Variants in PLEKHH1 observed in about 807,000 individuals in gnomAD.
The protein encoded by PLEKHH1 is pleckstrin homology, MyTH4 and FERM domain containing H1.
Under a neutral mutation model 160.0 loss-of-function variants are expected in PLEKHH1, and 104 were observed. The ratio of observed to expected loss-of-function variants is 0.65; its 90% CI spans 0.55 to 0.76. The LOEUF (loss-of-function observed/expected upper bound fraction) is 0.76. PLEKHH1 is among the 30% of genes least tolerant of loss of function. The probability of loss-of-function intolerance (pLI) is 0.00; values close to 1 mark genes in which losing one functional copy is unlikely to be tolerated. For missense variants in PLEKHH1, 1,427 were observed against 1,724.1 expected (o/e 0.83, Z 3.05); for synonymous variants, 619 against 678.4 (o/e 0.91, Z 1.36).
chr14:67,577,347 G>C lies in PLEKHH1; in HGVS notation c.2507G>C (p.Gly836Ala). The C allele has an allele frequency of 6.3e-7, 1 of 1,586,082 alleles. No homozygotes were observed. The highest frequency in any genetic ancestry group is 8.6e-7 in the Non-Finnish European group (1 of 1,166,692). Residue 836 changes from glycine to alanine, a missense_variant, in exon 18 of 29, where the codon GGC (glycine) becomes GCC (alanine). Physicochemically the swap from Gly to Ala is moderately conservative, Grantham distance 60 (BLOSUM62 0). Coordinates refer to ENST00000329153, the MANE Select transcript of PLEKHH1 (RefSeq NM_020715.3). ...RHPMLCYSKD[G>A]LYASLTTLPS... is the part of the protein sequence containing the mutation. ...CCCATGCTGTGCTACAGCAAAGACG[G>C]CCTATACGCCTCCCTCACCACCCTG...
Position 67,587,966 on chromosome 14 carries a change from T to G in PLEKHH1, c.*731T>G, listed in dbSNP as rs1316008080. 2.6e-5 allele frequency: 4 copies of G among 152,698 alleles called. No individual in the cohort carries two copies. The highest frequency in any genetic ancestry group is 5.9e-5 in the Non-Finnish European group (4 of 68,026). The allele number at this position is 152,698 out of a possible 1,614,324, so 9.5% of individuals were successfully genotyped here. ...CTACACTCTGTCAGAAGCCTAGAAC[T>G]CACTAAACTGGGCTGCCTTTCCCAA... On this transcript the variant is annotated 3_prime_UTR_variant, in exon 29 of 29. Transcript: ENST00000329153.
intron 2 of PLEKHH1, among the ~76,000 whole-genome samples, chr14:67,545,644 A>G (rs1207796802): frequency 2.0e-5 from 3 of 152,248 alleles, no homozygotes; most frequent in Non-Finnish European, 2.9e-5. Context: ...AAATTTGGAA[A>G]CATTCTAAAT....
intron 2 of PLEKHH1, among the ~76,000 whole-genome samples, chr14:67,544,700 T>G (rs2034108879): frequency 6.6e-6 from 1 of 152,158 alleles, no homozygotes; most frequent in South Asian, 2.1e-4. Context: ...AAATAGAACT[T>G]TAATAAGTGA....
Position 67,587,467 on chromosome 14 carries a change from T to G in PLEKHH1, c.*232T>G. On this transcript the variant is annotated 3_prime_UTR_variant, in exon 29 of 29. Transcript: ENST00000329153. Reference sequence around the variant, plus strand: ...TTAAAACCATTTATTCCTTTTTTCATAAGAATAATGACTCCAGATGCTACC... The same window carrying G: ...TTAAAACCATTTATTCCTTTTTTCAGAAGAATAATGACTCCAGATGCTACC... The G allele has an allele frequency of 1.8e-6, 1 of 565,558 alleles. No individual in the cohort carries two copies. The highest frequency in any genetic ancestry group is 3.1e-6 in the Non-Finnish European group (1 of 317,534). The allele number at this position is 565,558 out of a possible 1,614,324, so 35.0% of individuals were successfully genotyped here.
rs2035483438 is a variant in PLEKHH1, at chr14:67,573,527, G to A, written c.1839+141G>A. 1 of 651,988 alleles carries A rather than the reference G, an allele frequency of 1.5e-6. No individual in the cohort carries two copies. The allele number at this position is 651,988 out of a possible 1,614,324, so 40.4% of individuals were successfully genotyped here. On this transcript the variant is annotated intron_variant, in intron 12 of 28. Transcript: ENST00000329153. This position sits in a 1 kb window ranked among gnomAD's most constrained non-coding sequence, Gnocchi z 4.8. The stretch of plus-strand genomic sequence containing the variant: ...GCAGGTGGGGAGAGGCAACCTCACT[G>A]GGCCCCTGAGGCTTTGAGCCACACT...
intron 2 of PLEKHH1, among the ~76,000 whole-genome samples, chr14:67,548,980 A>T (rs1258871713): frequency 2.6e-5 from 4 of 152,216 alleles, no homozygotes; most frequent in African/African-American, 9.7e-5. Flanking sequence ...CTTCCACCTC[A>T]TATGGATTAT....
intron 4 of PLEKHH1, among the ~76,000 whole-genome samples, chr14:67,558,013 G>A (rs1303412668): frequency 6.6e-6 from 1 of 152,222 alleles, no homozygotes; most frequent in Non-Finnish European, 1.5e-5. Flanking sequence ...CAGAAAACCA[G>A]GGTCTTCCCT....
At chr14:67,565,603 A>T (rs999216877) in intron 7 of PLEKHH1, among the ~76,000 whole-genome samples, 6 of 152,164 alleles carry the variant, frequency 3.9e-5, no homozygotes, top group African/African-American at 1.4e-4. Flanking sequence ...CTTAAGGGAC[A>T]TTGCCAGAGC....
At position 67,574,495 on chromosome 14, in the gene PLEKHH1, A is replaced by T. The variant is rs1053936220; in HGVS notation, c.2088+92A>T. Reference sequence around the variant, plus strand: ...TGCCGAGGGTGGTGGGTTCCCCCTTATACGGGGCTCCTTTCTCTGGGAGCC... The same window carrying T: ...TGCCGAGGGTGGTGGGTTCCCCCTTTTACGGGGCTCCTTTCTCTGGGAGCC... On this transcript the variant is annotated intron_variant, in intron 14 of 28. Transcript: ENST00000329153. This position sits in a 1 kb window ranked among gnomAD's most constrained non-coding sequence, Gnocchi z 4.2. 2 of 1,033,814 alleles carry T rather than the reference A, an allele frequency of 1.9e-6. No individual in the cohort carries two copies. Among genetic ancestry groups the T allele is most frequent in the Non-Finnish European group, 2.6e-6 (2 of 760,064 alleles). 64.0% of individuals were successfully genotyped at this position (1,033,814 alleles called of 1,614,324 possible). A position where few individuals can be genotyped will look rare whatever the true frequency, so the allele number is the denominator to read the frequency against.
Position 67,562,292 on chromosome 14 carries a change from G to T in PLEKHH1, c.661G>T (p.Gly221Cys), listed in dbSNP as rs756445213. ...GGCAGCTGTGCTTGCACCTTCCCCAGGTGCCCTGCAGAGCAAGGACTCTGT... is the reference window on the plus strand; with the variant it reads ...GGCAGCTGTGCTTGCACCTTCCCCATGTGCCCTGCAGAGCAAGGACTCTGT... ...LKAAVLAPSP[G>C]ALQSKDSVSE... The change falls in exon 7 of 29, where the codon GGT (glycine) becomes TGT (cysteine). Residue 221 changes from glycine (G) to cysteine (C), a missense_variant. Transcript: ENST00000329153. 9 of 1,613,762 alleles carry T rather than the reference G, an allele frequency of 5.6e-6. No homozygotes were observed. The Admixed American group carries it at 1.5e-4, about 27-fold the overall frequency.
At chr14:67,564,464 C>CT (rs569128413) in intron 7 of PLEKHH1, among the ~76,000 whole-genome samples, 23 of 151,946 alleles carry the variant, frequency 1.5e-4, no homozygotes, top group African/African-American at 4.6e-4. Flanking sequence ...TGAGATCATT[C>CT]TTTTTTTAAC....
rs923149018 is a variant in PLEKHH1, at chr14:67,578,282, C to T, written c.2751+83C>T. On this transcript the variant is annotated intron_variant, in intron 19 of 28. Transcript: ENST00000329153. This position sits in a 1 kb window ranked among gnomAD's most constrained non-coding sequence, Gnocchi z 5.0. ...GGAAAGGTGGGAGGAGGTGACTGGG[C>T]AGGTATACGGTGAGCCCAGCCAGCG... 1 of 1,283,056 alleles carries T rather than the reference C, an allele frequency of 7.8e-7. No individual in the cohort carries two copies. The highest frequency in any genetic ancestry group is 1.4e-5 in the African/African-American group (1 of 69,050). The allele number at this position is 1,283,056 out of a possible 1,614,324, so 79.5% of individuals were successfully genotyped here.
rs746862506 is a variant in PLEKHH1, at chr14:67,562,680, C to T, written c.1049C>T (p.Thr350Ile). The change falls in exon 7 of 29, where the codon ACT becomes ATT. Residue 350 changes from threonine (T) to isoleucine (I), a missense_variant. Coordinates refer to ENST00000329153, the MANE Select transcript of PLEKHH1 (RefSeq NM_020715.3). ...GHFGRVVNIETEAFSALHPSG... is the reference protein window; with the variant it reads ...GHFGRVVNIEIEAFSALHPSG... ...TTTGGCCGTGTGGTGAACATTGAGA[C>T]TGAGGCCTTCTCAGCCCTCCACCCC... 12 of 1,612,458 alleles carry T rather than the reference C, an allele frequency of 7.4e-6. No individual in the cohort carries two copies. The highest frequency in any genetic ancestry group is 9.3e-6 in the Non-Finnish European group (11 of 1,179,282).
At chr14:67,565,657 T>G (rs2035054714) in intron 7 of PLEKHH1, among the ~76,000 whole-genome samples, 1 of 152,200 alleles carries the variant, frequency 6.6e-6, no homozygotes, top group African/African-American at 2.4e-5. Context: ...CCTCCACAGA[T>G]GCTGCTGGGG....
chr14:67,561,904 C>G (rs2034853014), intron 5 of PLEKHH1, 50 bp from the exon 6 acceptor site: 7 of 1,231,766 alleles, frequency 5.7e-6, no homozygotes, highest in Non-Finnish European at 8.3e-6. Context: ...AAAAATACAT[C>G]TAAACCTGTA....
At position 67,577,423 on chromosome 14, in the gene PLEKHH1, G is replaced by T. The variant is rs370968443; in HGVS notation, c.2574+9G>T. The stretch of plus-strand genomic sequence containing the variant: ...CCCTCAAGCTCTTCAAGGTAAATTG[G>T]GGTGGCGGCCAGGCCCACCGCTGGG... On this transcript the variant is annotated intron_variant, in intron 18 of 28. Transcript: ENST00000329153. 3,336 of 1,535,438 alleles carry T rather than the reference G, an allele frequency of 2.2e-3. 9 individuals are homozygous for T. The highest frequency in any genetic ancestry group is 2.6e-3 in the Non-Finnish European group (2,962 of 1,127,698).
intron 9 of PLEKHH1, 121 bp from the exon 10 acceptor site, chr14:67,571,627 CTGTT>C: frequency 1.1e-6 from 1 of 869,924 alleles, no homozygotes. Flanking sequence ...GGACAGTTGT[CTGTT>C]CAGAGTCCCG....
intron 2 of PLEKHH1, among the ~76,000 whole-genome samples, chr14:67,554,816 G>T (rs1269049841): frequency 6.6e-6 from 1 of 152,208 alleles, no homozygotes; most frequent in East Asian, 1.9e-4. Flanking sequence ...AAGAACTTCA[G>T]TCCCTTTGCT....
intron 5 of PLEKHH1, among the ~76,000 whole-genome samples, chr14:67,561,009 G>T (rs1369673979): frequency 6.6e-6 from 1 of 152,156 alleles, no homozygotes; most frequent in African/African-American, 2.4e-5. Context: ...AGGATTACGG[G>T]TGTGAGCCAC....
Sources: gnomAD v4.1 joint callset for allele counts (sites outside exome capture counted in the v4.1 genomes callset) on GRCh38, gnomAD v4.1.1 for gene constraint, Gnocchi (gnomAD v3.1) non-coding constraint, MANE v1.5 for transcripts, NCBI Gene and HGNC (gene_info 2026-07-23, HGNC 2026-07-21) for gene names.